The following TTLL5 variants were observed in gnomAD, a reference collection of about 807,000 sequenced individuals.
TTLL5 encodes the protein tubulin polyglutamylase TTLL5.
In TTLL5, 132 loss-of-function variants were observed where a neutral mutation model predicts 168.4. That is an observed-to-expected ratio of 0.78 (90% CI 0.68 to 0.91). The LOEUF is 0.91. Ranked by LOEUF, TTLL5 falls within the 40% of genes least tolerant of loss-of-function variation. TTLL5 has a pLI of 0.00. For missense variants in TTLL5, 1,545 were observed against 1,581.5 expected, an observed-to-expected ratio of 0.98 and a Z score of 0.39; for synonymous variants, 546 against 558.6, an observed-to-expected ratio of 0.98 and a Z score of 0.32.
Position 75,925,185 on chromosome 14 carries a change from G to C in TTLL5, c.3823+22961G>C, listed in dbSNP as rs1205425319. Reference sequence around the variant, plus strand: ...GGACGGGGCGGCTGGCCTGGCGGGGGCTGACCCCCCCACCTCCCTCCCGGA... The same window carrying C: ...GGACGGGGCGGCTGGCCTGGCGGGGCCTGACCCCCCCACCTCCCTCCCGGA... On this transcript the variant is annotated intron_variant, in intron 31 of 31. Transcript: ENST00000298832. Among the ~76,000 whole-genome samples the C allele has an allele frequency of 3.3e-3, 484 of 148,242 alleles. 9 individuals carry two copies. The highest frequency in any genetic ancestry group is 0.012 in the African/African-American group (464 of 39,386).
chr14:75,901,772 T>G (rs2140087531), intron 30 of TTLL5, among the ~76,000 whole-genome samples: 1 of 152,270 alleles, frequency 6.6e-6, no homozygotes, highest in African/African-American at 2.4e-5. Flanking sequence ...TTCATATGAT[T>G]TAGGTAAGTC....
chr14:75,696,824 T>G (rs1472703578), intron 6 of TTLL5, among the ~76,000 whole-genome samples: 1 of 152,234 alleles, frequency 6.6e-6, no homozygotes, highest in Non-Finnish European at 1.5e-5. Flanking sequence ...TGGGCGTATA[T>G]AACATACATT....
chr14:75,843,637 C>T (rs995407935), intron 28 of TTLL5, among the ~76,000 whole-genome samples: 5 of 152,204 alleles, frequency 3.3e-5, no homozygotes, highest in African/African-American at 1.2e-4. Context: ...TCAGATTCTG[C>T]AGTTAGCTAT....
At chr14:75,793,403 C>A (rs1343160721) in intron 27 of TTLL5, among the ~76,000 whole-genome samples, 2 of 152,092 alleles carry the variant, frequency 1.3e-5, no homozygotes, top group Non-Finnish European at 2.9e-5. Flanking sequence ...AAAATAAGTT[C>A]TTTTCTTTGG....
chr14:75,809,040 G>C (rs1233835874), intron 27 of TTLL5, among the ~76,000 whole-genome samples: 1 of 151,412 alleles, frequency 6.6e-6, no homozygotes, highest in Non-Finnish European at 1.5e-5. Context: ...TGACATTGAG[G>C]TAGTTTTGAG....
intron 6 of TTLL5, among the ~76,000 whole-genome samples, chr14:75,698,653 G>A (rs753606233): frequency 6.6e-6 from 1 of 152,142 alleles, no homozygotes; most frequent in East Asian, 1.9e-4. Context: ...CTGTAATTCC[G>A]GCGCTTTGGG....
intron 31 of TTLL5, among the ~76,000 whole-genome samples, chr14:75,951,590 T>A (rs980014411): frequency 1.3e-5 from 2 of 151,848 alleles, no homozygotes; most frequent in African/African-American, 4.8e-5. Flanking sequence ...CAAAACTCTG[T>A]CTCTACAAAA....
In TTLL5 at chr14:75,818,547, G is replaced by T. The variant is rs138500719; in HGVS notation, c.3172-1460G>T. The T allele has an allele frequency of 2.1e-3, 740 of 347,552 alleles. 6 individuals carry two copies. Among genetic ancestry groups the T allele is most frequent in the African/African-American group, 0.011 (469 of 43,322 alleles). The allele number at this position is 347,552 out of a possible 1,614,324, so 21.5% of individuals were successfully genotyped here. A position where few individuals can be genotyped will look rare whatever the true frequency, so the allele number is the denominator to read the frequency against. On this transcript the variant is annotated intron_variant, in intron 27 of 31. Transcript: ENST00000298832. Reference sequence around the variant, plus strand: ...CTGTCACCCAGGCTTGAGTGCAGTGGCATGATCTCTTCTCACCGCAACCTC... The same window carrying T: ...CTGTCACCCAGGCTTGAGTGCAGTGTCATGATCTCTTCTCACCGCAACCTC...
chr14:75,888,449 C>T (rs1170828575), intron 30 of TTLL5, among the ~76,000 whole-genome samples: 1 of 152,190 alleles, frequency 6.6e-6, no homozygotes, highest in Admixed American at 6.5e-5. Context: ...CGTCCTTCAC[C>T]TGAGTATGAA....
intron 31 of TTLL5, among the ~76,000 whole-genome samples, chr14:75,911,017 CTTTTGT>C (rs892020283): frequency 4.6e-5 from 7 of 151,776 alleles, no homozygotes; most frequent in East Asian, 1.9e-4. Context: ...TGGTTGGTTG[CTTTTGT>C]TTTTGTTTTT....
Position 75,826,296 on chromosome 14 carries a change from T to TATACAC in TTLL5, c.3326+6136_3326+6137insTACACA, listed in dbSNP as rs548406512. 4.3e-4 allele frequency among the ~76,000 whole-genome samples: 60 copies of TATACAC among 139,446 alleles called. No homozygotes were observed. In the East Asian group the frequency reaches 0.011, roughly 25 times the overall value. 91.5% of individuals were successfully genotyped at this position (139,446 alleles called of 152,430 possible). ...ACCTTCTATTTCCTTAGGATACGCG[T>TATACAC]ACACACACACACACACACACACACA... On this transcript the variant is annotated intron_variant, in intron 28 of 31. Coordinates refer to ENST00000298832, the MANE Select transcript of TTLL5 (RefSeq NM_015072.5).
intron 29 of TTLL5, among the ~76,000 whole-genome samples, chr14:75,875,837 T>C (rs1333281114): frequency 1.3e-5 from 2 of 152,174 alleles, no homozygotes; most frequent in East Asian, 3.8e-4. Flanking sequence ...AGAAAATAAG[T>C]TTGTATATGC....
At chr14:75,770,122 G>A (rs1337120765) in intron 20 of TTLL5, among the ~76,000 whole-genome samples, 1 of 123,448 alleles carries the variant, frequency 8.1e-6, no homozygotes, top group East Asian at 2.6e-4. Context: ...AGGTTGCAGT[G>A]AACCAAGATC....
intron 27 of TTLL5, among the ~76,000 whole-genome samples, chr14:75,814,328 A>G (rs886524378): frequency 2.2e-4 from 34 of 152,214 alleles, no homozygotes; most frequent in African/African-American, 8.2e-4. Flanking sequence ...TCATCGTTGT[A>G]TATCAGGTAC....
chr14:75,768,658 A>C (rs1229938612), intron 20 of TTLL5, among the ~76,000 whole-genome samples: 1 of 152,200 alleles, frequency 6.6e-6, no homozygotes, highest in Admixed American at 6.5e-5. Context: ...CCTATCAGTC[A>C]GAAAGAAAGT....
intron 31 of TTLL5, among the ~76,000 whole-genome samples, chr14:75,914,033 A>AATATATATAT (rs1182456559): frequency 2.7e-4 from 19 of 71,034 alleles, no homozygotes; most frequent in African/African-American, 4.7e-4. Context: ...AAAAAAAAAA[A>AATATATATAT]ATATATATAT....
chr14:75,899,267 A>C (rs543016329), intron 30 of TTLL5, among the ~76,000 whole-genome samples: 1 of 152,200 alleles, frequency 6.6e-6, no homozygotes, highest in Non-Finnish European at 1.5e-5. Context: ...ATACCTCCCA[A>C]CGTAAATATT....
chr14:75,952,120 C>A (rs999089367), intron 31 of TTLL5, among the ~76,000 whole-genome samples: 1 of 152,044 alleles, frequency 6.6e-6, no homozygotes, highest in Non-Finnish European at 1.5e-5. Context: ...TAAAGATGAG[C>A]AAAGGAACTG....
chr14:75,731,228 C>T (rs895758459), intron 12 of TTLL5, among the ~76,000 whole-genome samples: 16 of 151,970 alleles, frequency 1.1e-4, no homozygotes, highest in African/African-American at 3.9e-4. Flanking sequence ...TGGTCTGTGA[C>T]CTCTGATCAA....
Sources: allele counts gnomAD v4.1 joint callset (sites outside exome capture counted in the v4.1 genomes callset), GRCh38; gene constraint gnomAD v4.1.1; transcripts MANE v1.5; gene names NCBI Gene and HGNC (gene_info 2026-07-23, HGNC 2026-07-21).